SLC30A8: variants seen among roughly 807,000 people sequenced by gnomAD.
The protein encoded by SLC30A8 is proton-coupled zinc antiporter SLC30A8.
SLC30A8 carries 27 observed loss-of-function variants against 36.9 expected under a neutral mutation model. That is an observed-to-expected ratio of 0.73 (90% CI 0.54 to 1.01). The LOEUF (loss-of-function observed/expected upper bound fraction) is 1.01, where lower values mean the gene tolerates loss of function less well. SLC30A8 is among the 50% of genes least tolerant of loss of function. The pLI, the probability that SLC30A8 is intolerant of heterozygous loss-of-function variation, is 0.00. For synonymous variants in SLC30A8, 164 were observed against 172.4 expected (o/e 0.95, Z 0.38); for missense variants, 439 against 452.0 (o/e 0.97, Z 0.26).
intron 1 of SLC30A8, among the ~76,000 whole-genome samples, chr8:117,135,829 A>G (rs2130934319): frequency 6.6e-6 from 1 of 152,098 alleles, no homozygotes; most frequent in Admixed American, 6.5e-5. Flanking sequence ...CTTATAAAGT[A>G]TCATTATTAA....
At chr8:117,018,667 C>A (rs1281490913) in intron 1 of SLC30A8, among the ~76,000 whole-genome samples, 1 of 120,460 alleles carries the variant, frequency 8.3e-6, no homozygotes, top group Non-Finnish European at 1.7e-5. Flanking sequence ...TGACTAGCCC[C>A]CCCCCCCCTT....
At chr8:117,028,732 A>G (rs940289897) in intron 1 of SLC30A8, among the ~76,000 whole-genome samples, 5 of 151,990 alleles carry the variant, frequency 3.3e-5, no homozygotes, top group African/African-American at 1.2e-4. Flanking sequence ...TATGACAAAT[A>G]TATATATATG....
chr8:117,030,084 A>C (rs550306117), intron 1 of SLC30A8, among the ~76,000 whole-genome samples: 1 of 152,280 alleles, frequency 6.6e-6, no homozygotes, highest in East Asian at 1.9e-4. Flanking sequence ...CAGTTCTAAG[A>C]ATAGCCTAGA....
At chr8:117,158,703 T>C (rs1214290514) in intron 4 of SLC30A8, among the ~76,000 whole-genome samples, 1 of 152,218 alleles carries the variant, frequency 6.6e-6, no homozygotes, top group Non-Finnish European at 1.5e-5. Context: ...GGCCAGGACT[T>C]TGATTTTTTT....
chr8:117,152,918 A>G, intron 2 of SLC30A8, 26 bp from the exon 3 acceptor site: 2 of 1,515,768 alleles, frequency 1.3e-6, no homozygotes, highest in Non-Finnish European at 1.8e-6. Context: ...GGACCTTAAC[A>G]CAGTGTACTA....
chr8:117,049,242 G>A (rs556402391), intron 2 of SLC30A8, among the ~76,000 whole-genome samples: 13 of 152,122 alleles, frequency 8.5e-5, no homozygotes, highest in Non-Finnish European at 1.6e-4. Flanking sequence ...TGGTGTTCTA[G>A]TTATCCTTGT....
chr8:117,049,896 A>G (rs1339165410), intron 2 of SLC30A8, among the ~76,000 whole-genome samples: 1 of 152,224 alleles, frequency 6.6e-6, no homozygotes, highest in Non-Finnish European at 1.5e-5. Flanking sequence ...TCACTCTGAA[A>G]AACAATCTTC....
intron 2 of SLC30A8, among the ~76,000 whole-genome samples, chr8:117,108,456 A>G (rs1438246505): frequency 6.6e-6 from 1 of 152,226 alleles, no homozygotes; most frequent in Admixed American, 6.5e-5. Context: ...GTGACTTGCC[A>G]GTGCTGTTTT....
intron 1 of SLC30A8, among the ~76,000 whole-genome samples, chr8:117,010,178 C>G (rs983650244): frequency 5.9e-5 from 9 of 152,190 alleles, no homozygotes; most frequent in African/African-American, 2.2e-4. Flanking sequence ...CAGAAGACCC[C>G]ATGAGAGCTT....
At chr8:117,103,973 C>G (rs1406662992) in intron 2 of SLC30A8, among the ~76,000 whole-genome samples, 2 of 152,150 alleles carry the variant, frequency 1.3e-5, no homozygotes, top group African/African-American at 4.8e-5. Context: ...CCTTAATAGT[C>G]TTCTGTGGAC....
intron 1 of SLC30A8, among the ~76,000 whole-genome samples, chr8:117,031,616 A>G (rs2130740579): frequency 6.6e-6 from 1 of 151,580 alleles, no homozygotes; most frequent in African/African-American, 2.4e-5. Flanking sequence ...ATGCACCACC[A>G]CACCCAGCTC....
At chr8:117,063,039 G>C (rs188238877) in intron 2 of SLC30A8, among the ~76,000 whole-genome samples, 26 of 152,198 alleles carry the variant, frequency 1.7e-4, no homozygotes, top group African/African-American at 5.8e-4. Flanking sequence ...TAATGACTTC[G>C]AGTCCAACAA....
intron 1 of SLC30A8, among the ~76,000 whole-genome samples, chr8:116,995,854 A>G (rs1339872395): frequency 6.6e-6 from 1 of 152,064 alleles, no homozygotes; most frequent in Non-Finnish European, 1.5e-5. Flanking sequence ...GATAACGCAC[A>G]ATCTTCTTGC....
intron 6 of SLC30A8, chr8:117,164,398 C>A (rs751328136): frequency 6.8e-6 from 1 of 146,564 alleles, no homozygotes; most frequent in Non-Finnish European, 1.5e-5. Flanking sequence ...ATGGCAAAAC[C>A]TCGTCTCAAC....
At chr8:117,064,855 C>A (rs1285007004) in intron 2 of SLC30A8, among the ~76,000 whole-genome samples, 1 of 152,160 alleles carries the variant, frequency 6.6e-6, no homozygotes, top group Non-Finnish European at 1.5e-5. Context: ...TTTATCTGAA[C>A]AGGAGTGGAT....
chr8:117,128,242 T>TA (rs1173270159), intron 2 of SLC30A8, among the ~76,000 whole-genome samples: 1 of 152,066 alleles, frequency 6.6e-6, no homozygotes, highest in Non-Finnish European at 1.5e-5. Flanking sequence ...CTTGCTGACT[T>TA]ACGGGGAATT....
At chr8:116,974,852 C>T (rs978434947) in intron 1 of SLC30A8, among the ~76,000 whole-genome samples, 4 of 152,126 alleles carry the variant, frequency 2.6e-5, no homozygotes, top group Admixed American at 6.5e-5. Context: ...GTATACTATG[C>T]AGTCATAAAA....
At chr8:117,159,717 A>C (rs902181195) in intron 4 of SLC30A8, among the ~76,000 whole-genome samples, 1 of 152,214 alleles carries the variant, frequency 6.6e-6, no homozygotes, top group Non-Finnish European at 1.5e-5. Flanking sequence ...TCCGCTTTGC[A>C]TAAGGAGAAC....
chr8:116,991,699 G>C (rs1815650748), intron 1 of SLC30A8, among the ~76,000 whole-genome samples: 1 of 152,102 alleles, frequency 6.6e-6, no homozygotes. Flanking sequence ...TAAAAGATTT[G>C]CCATGACAAT....
Sources: allele counts gnomAD v4.1 joint callset (sites outside exome capture counted in the v4.1 genomes callset), GRCh38; gene constraint gnomAD v4.1.1; transcripts MANE v1.5; gene names NCBI Gene and HGNC (gene_info 2026-07-23, HGNC 2026-07-21).